The following HCN2 variants were observed in gnomAD, a reference collection of about 807,000 sequenced individuals.
HCN2 encodes potassium/sodium hyperpolarization-activated cyclic nucleotide-gated channel 2.
Under a neutral mutation model 52.3 loss-of-function variants are expected in HCN2, and 20 were observed. That is an observed-to-expected ratio of 0.38 (90% CI 0.27 to 0.56). The LOEUF is 0.56. Ranked by LOEUF, HCN2 falls within the 20% of genes least tolerant of loss-of-function variation. The probability of loss-of-function intolerance (pLI) is 0.71; values close to 1 mark genes in which losing one functional copy is unlikely to be tolerated. For missense variants in HCN2, 981 were observed against 1,207.7 expected, an observed-to-expected ratio of 0.81 and a Z score of 2.78; for synonymous variants, 694 against 537.0, an observed-to-expected ratio of 1.29 and a Z score of -4.04.
chr19:614,051 C>T (rs1291163125), intron 7 of HCN2, 35 bp downstream of exon 7: 41 of 1,504,526 alleles, frequency 2.7e-5, no homozygotes, highest in East Asian at 2.2e-4. Context: ...GGGCGGGTGC[C>T]CTGGCGGGGG....
At chr19:607,363 G>T (rs985215966) in intron 3 of HCN2, among the ~76,000 whole-genome samples, 64 of 152,356 alleles carry the variant, frequency 4.2e-4, no homozygotes, top group African/African-American at 1.5e-3. Flanking sequence ...CTTGGGATGT[G>T]TTTGGTTTGG....
rs1982874246 is a variant in HCN2, at chr19:591,599, G to GAC, written c.632+1023_632+1024insCA. On this transcript the variant is annotated intron_variant, in intron 1 of 7. Coordinates refer to ENST00000251287, the MANE Select transcript of HCN2 (RefSeq NM_001194.4). The surrounding 1 kb of genome is among the most constrained non-coding windows in gnomAD (Gnocchi z 4.1). ...CGAGTGGGGTGTGAGGTGGGGTGTG[G>GAC]AGGGTGCAGGTGGAGGGTGTAGGTG... Among the ~76,000 whole-genome samples the GAC allele has an allele frequency of 6.6e-6, 1 of 152,056 alleles. No homozygotes were observed. Among genetic ancestry groups the GAC allele is most frequent in the Non-Finnish European group, 1.5e-5 (1 of 67,972 alleles).
At chr19:601,192 A>G (rs1405083117) in intron 1 of HCN2, among the ~76,000 whole-genome samples, 1 of 152,204 alleles carries the variant, frequency 6.6e-6, no homozygotes, top group Non-Finnish European at 1.5e-5. Context: ...TCATGCCTGT[A>G]ATCCCAGCTA....
chr19:615,526 A>C (rs1355700688), intron 7 of HCN2, among the ~76,000 whole-genome samples: 1 of 152,168 alleles, frequency 6.6e-6, no homozygotes, highest in African/African-American at 2.4e-5. Context: ...AAACAAAGCA[A>C]AACAAAAGCC....
At chr19:599,490 C>A (rs936972547) in intron 1 of HCN2, among the ~76,000 whole-genome samples, 1 of 152,048 alleles carries the variant, frequency 6.6e-6, no homozygotes, top group Non-Finnish European at 1.5e-5. Flanking sequence ...GATAAGGCCT[C>A]AAGAATTGGC....
intron 1 of HCN2, among the ~76,000 whole-genome samples, chr19:598,392 G>A (rs765706885): frequency 4.0e-5 from 6 of 148,968 alleles, no homozygotes; most frequent in African/African-American, 1.3e-4. Flanking sequence ...CTGCAGCCTC[G>A]ACTTCATGGG....
chr19:608,312 C>A, intron 4 of HCN2, 130 bp downstream of exon 4: 1 of 816,252 alleles, frequency 1.2e-6, no homozygotes, highest in Non-Finnish European at 2.0e-6. Context: ...GGGTCTGAGG[C>A]TGGAGGGAGG....
intron 4 of HCN2, 65 bp downstream of exon 4, chr19:608,247 A>G: frequency 6.9e-7 from 1 of 1,452,724 alleles, no homozygotes; most frequent in South Asian, 1.2e-5. Flanking sequence ...CTGGGGTCTG[A>G]GAGAGAGTCA....
chr19:594,892 G>A (rs1982978047), intron 1 of HCN2, among the ~76,000 whole-genome samples: 1 of 152,176 alleles, frequency 6.6e-6, no homozygotes, highest in Admixed American at 6.5e-5. Flanking sequence ...CCTTCCCTAT[G>A]TTCCCTGCTC....
intron 5 of HCN2, among the ~76,000 whole-genome samples, chr19:611,312 C>T (rs374042108): frequency 1.3e-5 from 2 of 152,136 alleles, no homozygotes; most frequent in African/African-American, 2.4e-5. Flanking sequence ...GGATGGCGGC[C>T]GTGATCACGC....
intron 1 of HCN2, among the ~76,000 whole-genome samples, chr19:595,088 G>C (rs1202282800): frequency 6.6e-6 from 1 of 152,104 alleles, no homozygotes; most frequent in East Asian, 1.9e-4. Context: ...TGTAGTCCCA[G>C]CTACTCTGGA....
At position 590,763 on chromosome 19, in the gene HCN2, C is replaced by T; in HGVS notation, c.632+186C>T. On this transcript the variant is annotated intron_variant, in intron 1 of 7. Coordinates refer to ENST00000251287, the MANE Select transcript of HCN2 (RefSeq NM_001194.4). The surrounding 1 kb of genome is among the most constrained non-coding windows in gnomAD (Gnocchi z 7.2). The stretch of plus-strand genomic sequence containing the variant: ...GACCCCGGCGCGCGAGGCTCCGCCT[C>T]TGGGGGGGCTCCCCGGGTGACCGCG... The T allele has an allele frequency of 2.9e-6, 1 of 341,894 alleles. No individual in the cohort carries two copies. Among genetic ancestry groups the T allele is most frequent in the Non-Finnish European group, 5.1e-6 (1 of 196,194 alleles). The allele number at this position is 341,894 out of a possible 1,614,324, so 21.2% of individuals were successfully genotyped here. A position where few individuals can be genotyped will look rare whatever the true frequency, so the allele number is the denominator to read the frequency against.
chr19:597,369 G>T (rs1197673132), intron 1 of HCN2, among the ~76,000 whole-genome samples: 1 of 152,238 alleles, frequency 6.6e-6, no homozygotes, highest in African/African-American at 2.4e-5. Context: ...CTCACCCCAA[G>T]AATAAAGGGG....
At chr19:606,360 C>G (rs183987938) in intron 3 of HCN2, among the ~76,000 whole-genome samples, 1 of 151,904 alleles carries the variant, frequency 6.6e-6, no homozygotes, top group African/African-American at 2.4e-5. Flanking sequence ...CTCGGCCTCC[C>G]AAAGTGTTGG....
intron 1 of HCN2, among the ~76,000 whole-genome samples, chr19:600,013 C>A (rs973766728): frequency 1.3e-5 from 2 of 151,932 alleles, no homozygotes; most frequent in Non-Finnish European, 2.9e-5. Context: ...TTGGCCTAGC[C>A]CCCAGTGTTA....
intron 1 of HCN2, among the ~76,000 whole-genome samples, chr19:602,701 C>T (rs933080067): frequency 2.0e-5 from 3 of 152,216 alleles, no homozygotes; most frequent in Non-Finnish European, 4.4e-5. Context: ...ATTTTTTTAA[C>T]GCCAACCTTG....
At chr19:606,861 A>C (rs1983443784) in intron 3 of HCN2, among the ~76,000 whole-genome samples, 1 of 149,948 alleles carries the variant, frequency 6.7e-6, no homozygotes. Flanking sequence ...AAAAAAAATA[A>C]ATAAAAATAA....
intron 3 of HCN2, among the ~76,000 whole-genome samples, chr19:606,174 A>G (rs1983421978): frequency 6.6e-6 from 1 of 152,026 alleles, no homozygotes; most frequent in African/African-American, 2.4e-5. Context: ...ATCTCGGCTT[A>G]CCACAAACCC....
At chr19:599,508 G>T (rs1044553356) in intron 1 of HCN2, among the ~76,000 whole-genome samples, 11 of 152,230 alleles carry the variant, frequency 7.2e-5, no homozygotes, top group Admixed American at 6.5e-4. Context: ...GGCCGGGCGC[G>T]GTGGCTCACG....
Sources: gnomAD v4.1 joint callset for allele counts (sites outside exome capture counted in the v4.1 genomes callset) on GRCh38, gnomAD v4.1.1 for gene constraint, Gnocchi (gnomAD v3.1) non-coding constraint, MANE v1.5 for transcripts, NCBI Gene and HGNC (gene_info 2026-07-23, HGNC 2026-07-21) for gene names.